WHRN: variants seen among roughly 807,000 people sequenced by gnomAD.
The protein encoded by WHRN is whirlin.
A neutral mutation model predicts 68.3 loss-of-function variants in WHRN; 41 were observed. The ratio of observed to expected loss-of-function variants is 0.60; its 90% CI spans 0.47 to 0.78. The LOEUF is 0.78. Among genes scored for constraint, WHRN ranks in the 30% least tolerant of loss-of-function variants. The pLI, the probability that WHRN is intolerant of heterozygous loss-of-function variation, is 0.00. For missense variants in WHRN, 1,243 were observed against 1,244.7 expected (o/e 1.00, Z 0.02); for synonymous variants, 560 against 561.3 (o/e 1.00, Z 0.03).
rs140759343 is a variant in WHRN, at chr9:114,406,721, G to A, written c.1870C>T (p.Pro624Ser). 6.3e-4 allele frequency: 1,011 copies of A among 1,614,148 alleles called. 2 individuals carry two copies. The highest frequency in any genetic ancestry group is 8.6e-4 in the South Asian group (78 of 91,086). ...CCCGCTGGCGGGCTGCGGTTCTGTGGAGCCGAGAAGACAGTGCCCGAGCAG... is the reference window on the plus strand; with the variant it reads ...CCCGCTGGCGGGCTGCGGTTCTGTGAAGCCGAGAAGACAGTGCCCGAGCAG... ...PSCSGTVFSAPQNRSPPAGTA... is the reference protein window; with the variant it reads ...PSCSGTVFSASQNRSPPAGTA... Residue 624 changes from proline to serine, a missense_variant, in exon 9 of 12, where the codon CCA (proline) becomes TCA (serine). Pro to Ser is a moderately conservative substitution (Grantham distance 74, BLOSUM62 -1). Transcript: ENST00000362057.
chr9:114,477,694 C>A (rs1340463510), intron 2 of WHRN, among the ~76,000 whole-genome samples: 1 of 152,216 alleles, frequency 6.6e-6, no homozygotes, highest in Non-Finnish European at 1.5e-5. Context: ...CATCCCCCTA[C>A]TGCAGGCTGC....
At chr9:114,453,035 T>A (rs1398135195) in intron 3 of WHRN, among the ~76,000 whole-genome samples, 2 of 152,100 alleles carry the variant, frequency 1.3e-5, no homozygotes, top group African/African-American at 2.4e-5. Context: ...GAGGAAGGGG[T>A]GTGGTTACTG....
At chr9:114,405,150 C>G (rs1019558369) in intron 9 of WHRN, among the ~76,000 whole-genome samples, 3 of 147,368 alleles carry the variant, frequency 2.0e-5, no homozygotes, top group Non-Finnish European at 4.5e-5. Context: ...TCTTGGCTCA[C>G]TGCAACCTCT....
intron 1 of WHRN, among the ~76,000 whole-genome samples, chr9:114,495,633 T>G (rs943946835): frequency 2.0e-5 from 3 of 151,948 alleles, no homozygotes; most frequent in Admixed American, 2.0e-4. Context: ...ATGCAGACAT[T>G]TGGGGAAAGA....
At position 114,426,300 on chromosome 9, in the gene WHRN, G is replaced by T. The variant is rs1337707369; in HGVS notation, c.1077C>A (p.Val359=). The change falls in exon 4 of 12, where the codon GTC becomes GTA. Residue 359 remains valine (V), a synonymous_variant. Transcript: ENST00000362057. ...SRHLILTVKD[V]GRLPHARTTV... ...TGGTGCGGGCATGGGGCAGCCTCCC[G>T]ACGTCCTTCACTGTCAGGATGAGGT... 3 of 1,613,688 alleles carry T rather than the reference G, an allele frequency of 1.9e-6. No homozygotes were observed. The highest frequency in any genetic ancestry group is 2.5e-6 in the Non-Finnish European group (3 of 1,180,032).
At chr9:114,406,991 C>G (rs1416182988) in intron 8 of WHRN, 99 bp from the exon 9 acceptor site, 2 of 1,412,130 alleles carry the variant, frequency 1.4e-6, no homozygotes, top group African/African-American at 2.8e-5. Context: ...AGCTGGAATT[C>G]TGTCCCCACT....
chr9:114,501,551 TACACACACACAC>T (rs59195050), intron 1 of WHRN, among the ~76,000 whole-genome samples: 238 of 144,962 alleles, frequency 1.6e-3, no homozygotes, highest in African/African-American at 5.8e-3. Context: ...TAATTTTTAT[TACACACACACAC>T]ACACACACAC....
At chr9:114,471,655 A>T (rs929688728) in intron 2 of WHRN, among the ~76,000 whole-genome samples, 3 of 152,176 alleles carry the variant, frequency 2.0e-5, no homozygotes, top group African/African-American at 7.2e-5. Context: ...CGGAGCCTCG[A>T]CTAGGTCCAA....
At chr9:114,425,138 C>A in intron 4 of WHRN, 114 bp from the exon 5 acceptor site, 1 of 1,084,322 alleles carries the variant, frequency 9.2e-7, no homozygotes, top group East Asian at 2.4e-5. Flanking sequence ...AACCATGCAT[C>A]GTGGCCTCCA....
In WHRN at chr9:114,402,831, T is replaced by C. The variant is rs374497478; in HGVS notation, c.2647A>G (p.Ile883Val). ...TTAGTCTTGAAGGCCTCGGCGATAA[T>C]GCGGGCGGCCTCCCGGTGCTCCTTG... is the stretch of plus-strand genomic sequence containing the variant. Reference protein sequence around the residue: ...RGKEHREAARIIAEAFKTKDR... With the variant: ...RGKEHREAARVIAEAFKTKDR... Residue 883 changes from isoleucine to valine, a missense_variant, in exon 12 of 12, where the codon ATT becomes GTT. By Grantham distance (29) the Ile-to-Val change is conservative. Transcript: ENST00000362057. 6.2e-7 allele frequency: 1 copy of C among 1,614,114 alleles called. No homozygotes were observed. Among genetic ancestry groups the C allele is most frequent in the Non-Finnish European group, 8.5e-7 (1 of 1,180,032 alleles).
intron 2 of WHRN, among the ~76,000 whole-genome samples, chr9:114,472,853 C>T (rs941565944): frequency 6.6e-5 from 10 of 152,216 alleles, no homozygotes; most frequent in Non-Finnish European, 1.5e-4. Context: ...TATTAATCCT[C>T]GAAACAGCCT....
At chr9:114,499,516 G>C (rs530310048) in intron 1 of WHRN, among the ~76,000 whole-genome samples, 2 of 152,338 alleles carry the variant, frequency 1.3e-5, no homozygotes, top group South Asian at 4.1e-4. Flanking sequence ...TAAACCAAAG[G>C]CTTCCCTTCC....
Position 114,402,352 on chromosome 9 carries a change from C to T in WHRN, c.*402G>A, listed in dbSNP as rs965435546. ...TGCAAGATGCCCCCTGACTGGGGGC[C>T]GTGTCCATGAATTCTCGAGTGACCT... On this transcript the variant is annotated 3_prime_UTR_variant, in exon 12 of 12. Transcript: ENST00000362057. 9 of 265,008 alleles carry T rather than the reference C, an allele frequency of 3.4e-5. No individual in the cohort carries two copies. The highest frequency in any genetic ancestry group is 1.8e-4 in the South Asian group (4 of 22,602). 16.4% of individuals were successfully genotyped at this position (265,008 alleles called of 1,614,324 possible). A position where few individuals can be genotyped will look rare whatever the true frequency, so the allele number is the denominator to read the frequency against.
chr9:114,446,137 T>C (rs1326904494), intron 3 of WHRN, among the ~76,000 whole-genome samples: 3 of 152,182 alleles, frequency 2.0e-5, no homozygotes, highest in African/African-American at 7.2e-5. Flanking sequence ...AACTAATGAA[T>C]GGATAAACAA....
At chr9:114,502,939 T>C (rs1205184988) in intron 1 of WHRN, among the ~76,000 whole-genome samples, 3 of 152,194 alleles carry the variant, frequency 2.0e-5, no homozygotes, top group Non-Finnish European at 4.4e-5. Context: ...CACAACGAGC[T>C]TTGCCCACTG....
chr9:114,450,161 C>T (rs1245004285), intron 3 of WHRN, among the ~76,000 whole-genome samples: 1 of 152,072 alleles, frequency 6.6e-6, no homozygotes, highest in Admixed American at 6.6e-5. Context: ...GAGGCAAAGC[C>T]CAGTTATCTG....
chr9:114,451,703 G>A (rs1839353756), intron 3 of WHRN, among the ~76,000 whole-genome samples: 1 of 151,954 alleles, frequency 6.6e-6, no homozygotes, highest in African/African-American at 2.4e-5. Flanking sequence ...ACTTCACAAA[G>A]AGAGGACCCA....
chr9:114,492,757 G>A (rs34532652), intron 1 of WHRN, among the ~76,000 whole-genome samples: 2,803 of 152,092 alleles, frequency 0.018, 45 homozygotes, highest in Middle Eastern at 0.041. Context: ...AGGTGGAGGT[G>A]GGTAGATTGC....
chr9:114,471,650 C>A (rs976848348), intron 2 of WHRN, among the ~76,000 whole-genome samples: 3 of 152,222 alleles, frequency 2.0e-5, no homozygotes, highest in Admixed American at 6.5e-5. Flanking sequence ...TGCCACGGAG[C>A]CTCGACTAGG....
Sources: gnomAD v4.1 joint callset for allele counts (sites outside exome capture counted in the v4.1 genomes callset) on GRCh38, gnomAD v4.1.1 for gene constraint, MANE v1.5 for transcripts, NCBI Gene and HGNC (gene_info 2026-07-23, HGNC 2026-07-21) for gene names.